The following XKR9 variants were observed in gnomAD, a reference collection of about 807,000 sequenced individuals.
The protein encoded by XKR9 is XK related 9.
Under a neutral mutation model 32.0 loss-of-function variants are expected in XKR9, and 32 were observed. The ratio of observed to expected loss-of-function variants is 1.00; its 90% CI spans 0.76 to 1.34. XKR9 has a LOEUF of 1.34. XKR9 is among the 40% of genes most tolerant of loss of function. XKR9 has a pLI of 0.00. For synonymous variants in XKR9, 168 were observed against 143.4 expected (o/e 1.17, Z -1.22); for missense variants, 546 against 429.7 (o/e 1.27, Z -2.39).
chr8:70,735,806 T>G lies in XKR9; in HGVS notation c.*1382T>G, dbSNP rs1358094704. ...AAGGACATGAACTCATCATTTTTTA[T>G]GGCTGCATAGTATTCCATGGTGTAT... On this transcript the variant is annotated 3_prime_UTR_variant, in exon 5 of 5. Coordinates refer to ENST00000408926, the MANE Select transcript of XKR9 (RefSeq NM_001011720.2). The G allele has an allele frequency of 2.6e-5, 4 of 152,094 alleles. No individual in the cohort carries two copies. The highest frequency in any genetic ancestry group is 7.2e-5 in the African/African-American group (3 of 41,398). The allele number at this position is 152,094 out of a possible 1,614,324, so 9.4% of individuals were successfully genotyped here.
chr8:70,707,009 C>G lies in XKR9; in HGVS notation c.349C>G (p.Gln117Glu). The change falls in exon 4 of 5, where the codon CAA becomes GAA. Residue 117 changes from glutamine to glutamate, a missense_variant. By Grantham distance (29) the Gln-to-Glu change is conservative. Transcript: ENST00000408926. ...DSNTSNFVEE[Q>E]IDLHKEVIDR... ...CAATACTAGTAACTTCGTGGAAGAA[C>G]AAATTGATCTACATAAAGAAGTTAT... 1 of 1,613,284 alleles carries G rather than the reference C, an allele frequency of 6.2e-7. No homozygotes were observed. The highest frequency in any genetic ancestry group is 1.1e-5 in the South Asian group (1 of 91,018).
chr8:70,849,788 T>A, the XKR9 span, among the ~76,000 whole-genome samples: 3 of 151,992 alleles, frequency 2.0e-5, no homozygotes, highest in Non-Finnish European at 4.4e-5. Flanking sequence ...AATGGGGATA[T>A]CACCACTAAT....
intron 3 of XKR9, among the ~76,000 whole-genome samples, chr8:70,681,883 A>G (rs1231902538): frequency 6.6e-6 from 1 of 152,088 alleles, no homozygotes; most frequent in African/African-American, 2.4e-5. Flanking sequence ...TGACCTCTCC[A>G]TTATTACTTT....
At chr8:70,858,712 G>A in the XKR9 span, among the ~76,000 whole-genome samples, 2 of 151,932 alleles carry the variant, frequency 1.3e-5, no homozygotes, top group Non-Finnish European at 2.9e-5. Flanking sequence ...TTGCATTACA[G>A]CCAACTGATT....
At chr8:70,976,809 G>A in the XKR9 span, among the ~76,000 whole-genome samples, 1 of 152,164 alleles carries the variant, frequency 6.6e-6, no homozygotes, top group Non-Finnish European at 1.5e-5. Flanking sequence ...GCTCCTGTTT[G>A]TACCTGTGGT....
intron 2 of XKR9, among the ~76,000 whole-genome samples, chr8:70,779,219 T>C (rs563319158): frequency 2.6e-5 from 4 of 152,162 alleles, no homozygotes; most frequent in African/African-American, 9.6e-5. Flanking sequence ...AATCACGTGG[T>C]TTTTTGTCGT....
At chr8:70,906,278 C>G in the XKR9 span, among the ~76,000 whole-genome samples, 1 of 152,352 alleles carries the variant, frequency 6.6e-6, no homozygotes, top group South Asian at 2.1e-4. Flanking sequence ...GGCCTCCACC[C>G]AGTTCCTAAT....
At chr8:71,011,542 A>C in the XKR9 span, among the ~76,000 whole-genome samples, 1 of 152,256 alleles carries the variant, frequency 6.6e-6, no homozygotes, top group Admixed American at 6.5e-5. Flanking sequence ...CATGTTAAGC[A>C]TAAAGTTTAA....
rs75853551 is a variant in XKR9, at chr8:70,758,718, A to T, written n.353-30621A>T. Among the ~76,000 whole-genome samples, 3 of 152,352 alleles carry T rather than the reference A, an allele frequency of 2.0e-5. No homozygotes were observed. The East Asian group carries it at 5.8e-4, about 29-fold the overall frequency. ...TTGCTCTTTTAAGTCAGTCTTGATG[A>T]CATAATTTCTTTGATTTAAGATTAG... is the stretch of plus-strand genomic sequence containing the variant. On this transcript the variant is annotated intron_variant and non_coding_transcript_variant, in intron 2 of 3. Coordinates refer to the XKR9 transcript ENST00000520273.
At chr8:70,950,133 A>G in the XKR9 span, among the ~76,000 whole-genome samples, 1 of 152,192 alleles carries the variant, frequency 6.6e-6, no homozygotes, top group Non-Finnish European at 1.5e-5. Context: ...ATACTTTTTA[A>G]ACCCTAGTAT....
At chr8:71,056,847 G>C in the XKR9 span, among the ~76,000 whole-genome samples, 3 of 152,110 alleles carry the variant, frequency 2.0e-5, no homozygotes, top group Non-Finnish European at 4.4e-5. Context: ...ATATCTTTTA[G>C]ATATTGGGAA....
the XKR9 span, among the ~76,000 whole-genome samples, chr8:70,816,509 T>C: frequency 5.9e-5 from 9 of 152,146 alleles, no homozygotes; most frequent in Admixed American, 2.6e-4. Flanking sequence ...CAATGCAAGA[T>C]TGACTAAAGA....
chr8:70,887,554 T>C, the XKR9 span, among the ~76,000 whole-genome samples: 1 of 152,196 alleles, frequency 6.6e-6, no homozygotes, highest in Non-Finnish European at 1.5e-5. Flanking sequence ...TTCCTGTCCA[T>C]GAGCATTGAA....
chr8:70,912,950 T>G, the XKR9 span, among the ~76,000 whole-genome samples: 1 of 152,170 alleles, frequency 6.6e-6, no homozygotes, highest in Non-Finnish European at 1.5e-5. Context: ...TAACCTTTCC[T>G]GGACTACTCA....
the XKR9 span, among the ~76,000 whole-genome samples, chr8:70,813,771 A>G: frequency 6.6e-6 from 1 of 152,242 alleles, no homozygotes; most frequent in Non-Finnish European, 1.5e-5. Flanking sequence ...TAGAATGGCA[A>G]TCATTAAAAA....
rs1172446885 is a variant in XKR9, at chr8:70,734,549, TAGG to T, written c.*128_*130del. The stretch of plus-strand genomic sequence containing the variant: ...TTAATTTGAAATTAGTTCAGTGAAA[TAGG>T]AGATACATAGTAGTATTTTATTTTT... On this transcript the variant is annotated 3_prime_UTR_variant, in exon 5 of 5. Coordinates refer to ENST00000408926, the MANE Select transcript of XKR9 (RefSeq NM_001011720.2). 7 of 1,248,866 alleles carry T rather than the reference TAGG, an allele frequency of 5.6e-6. No homozygotes were observed. Among genetic ancestry groups the T allele is most frequent in the Non-Finnish European group, 6.2e-6 (6 of 963,268 alleles). The allele number at this position is 1,248,866 out of a possible 1,614,324, so 77.4% of individuals were successfully genotyped here.
the XKR9 span, among the ~76,000 whole-genome samples, chr8:70,947,144 C>A: frequency 6.6e-6 from 1 of 152,230 alleles, no homozygotes; most frequent in East Asian, 1.9e-4. Flanking sequence ...AAACCCAAAT[C>A]ATAAATCATA....
At chr8:70,803,065 T>TC in the XKR9 span, among the ~76,000 whole-genome samples, 1 of 152,234 alleles carries the variant, frequency 6.6e-6, no homozygotes, top group South Asian at 2.1e-4. Flanking sequence ...GCTTGCTTTC[T>TC]CTCCCTCTCT....
intron 3 of XKR9, among the ~76,000 whole-genome samples, chr8:70,699,749 G>A (rs1437288213): frequency 3.9e-5 from 6 of 152,154 alleles, no homozygotes; most frequent in African/African-American, 7.2e-5. Context: ...GATTGGGGAA[G>A]TTCTCCTGGA....
Sources: allele counts gnomAD v4.1 joint callset (sites outside exome capture counted in the v4.1 genomes callset), GRCh38; gene constraint gnomAD v4.1.1; transcripts MANE v1.5; gene names NCBI Gene and HGNC (gene_info 2026-07-23, HGNC 2026-07-21).